The following RAC1 variants were observed in gnomAD, a reference collection of about 807,000 sequenced individuals.
RAC1 encodes ras-related C3 botulinum toxin substrate 1.
A neutral mutation model predicts 25.2 loss-of-function variants in RAC1; 2 were observed. The ratio of observed to expected loss-of-function variants is 0.08; its 90% CI spans 0.03 to 0.25. The LOEUF is 0.25. Among genes scored for constraint, RAC1 ranks in the 10% least tolerant of loss-of-function variants. RAC1 has a pLI of 1.00. For synonymous variants in RAC1, 88 were observed against 94.0 expected (o/e 0.94, Z 0.37); for missense variants, 50 against 235.7 (o/e 0.21, Z 5.16).
chr7:6,395,629 T>G (rs1583268009), intron 3 of RAC1, among the ~76,000 whole-genome samples: 1 of 152,312 alleles, frequency 6.6e-6, no homozygotes, highest in African/African-American at 2.4e-5. Context: ...TGGTCCTATT[T>G]CAGCACAGTC....
rs143370431 is a variant in RAC1 at position 6,387,066 on chromosome 7, A to G, written c.36-146A>G. ...GGGTACCAATGTGTATGTGGTGATA[A>G]AGGGTTATAGAAAACATTTTCTTTA... On this transcript the variant is annotated intron_variant, in intron 1 of 5. Transcript: ENST00000348035. 5.2e-4 allele frequency: 290 copies of G among 559,120 alleles called. 2 individuals are homozygous for G. The East Asian group carries it at 9.5e-3, about 18-fold the overall frequency. 34.6% of individuals were successfully genotyped at this position (559,120 alleles called of 1,614,324 possible).
chr7:6,397,048 A>G (rs1378472100), intron 3 of RAC1, among the ~76,000 whole-genome samples: 4 of 129,918 alleles, frequency 3.1e-5, no homozygotes, highest in African/African-American at 5.9e-5. Flanking sequence ...AAAAAAAAAA[A>G]AAAAAAGAAA....
intron 1 of RAC1, among the ~76,000 whole-genome samples, chr7:6,375,443 C>T (rs929340757): frequency 6.6e-6 from 1 of 152,006 alleles, no homozygotes; most frequent in Non-Finnish European, 1.5e-5. Context: ...CCAGGCTGGT[C>T]TCGAATTCCT....
chr7:6,393,728 A>T lies in RAC1; in HGVS notation c.225+1687A>T, dbSNP rs1262412976. 4.6e-5 allele frequency among the ~76,000 whole-genome samples: 7 copies of T among 152,308 alleles called. No individual in the cohort carries two copies. The South Asian group carries it at 1.5e-3, about 32-fold the overall frequency. On this transcript the variant is annotated intron_variant, in intron 3 of 5. Transcript: ENST00000348035. ...GGAGTGGGACATGGTTCTTGCCCTC[A>T]GGTAGTTCACAGAAAAGTCCCATAA...
chr7:6,390,605 A>AAT (rs1374379233), intron 2 of RAC1, among the ~76,000 whole-genome samples: 1 of 151,742 alleles, frequency 6.6e-6, no homozygotes. Flanking sequence ...CTCAAAAAAA[A>AAT]AATAATAATA....
chr7:6,395,850 A>G (rs1255283358), intron 3 of RAC1, among the ~76,000 whole-genome samples: 3 of 152,220 alleles, frequency 2.0e-5, no homozygotes, highest in Admixed American at 6.5e-5. Context: ...ATCCAGGTGG[A>G]TAGCATTTGG....
chr7:6,377,664 C>G (rs1017073533), intron 1 of RAC1, among the ~76,000 whole-genome samples: 1 of 152,144 alleles, frequency 6.6e-6, no homozygotes, highest in African/African-American at 2.4e-5. Context: ...CCTGTAATCC[C>G]AGCACTTTGG....
intron 1 of RAC1, among the ~76,000 whole-genome samples, chr7:6,377,422 T>C (rs1317165868): frequency 1.3e-5 from 2 of 151,870 alleles, no homozygotes; most frequent in Non-Finnish European, 2.9e-5. Flanking sequence ...GGCGAGACCC[T>C]GTCTCTGCTA....
chr7:6,389,939 C>T (rs1009542890), intron 2 of RAC1, among the ~76,000 whole-genome samples: 7 of 147,060 alleles, frequency 4.8e-5, no homozygotes, highest in African/African-American at 1.3e-4. Context: ...CCTTCCTTCC[C>T]TCCCTCCCTC....
chr7:6,374,867 G>A (rs1026215915), intron 1 of RAC1, 97 bp downstream of exon 1: 1 of 985,462 alleles, frequency 1.0e-6, no homozygotes, highest in Non-Finnish European at 1.2e-6. Context: ...CGTCCGCCGC[G>A]GTCTCGCGTA....
chr7:6,379,653 G>A (rs915541804), intron 1 of RAC1, among the ~76,000 whole-genome samples: 1 of 152,220 alleles, frequency 6.6e-6, no homozygotes, highest in African/African-American at 2.4e-5. Context: ...TAGGCGATCT[G>A]CCCGCCTTGG....
intron 1 of RAC1, among the ~76,000 whole-genome samples, chr7:6,382,714 C>CA (rs201222233): frequency 1.2e-3 from 176 of 151,404 alleles, no homozygotes; most frequent in African/African-American, 3.2e-3. Context: ...AATACAACAA[C>CA]AAAAAAAAAT....
chr7:6,382,967 A>G (rs1262907349), intron 1 of RAC1, among the ~76,000 whole-genome samples: 1 of 152,240 alleles, frequency 6.6e-6, no homozygotes, highest in Non-Finnish European at 1.5e-5. Flanking sequence ...CAGGGGAAGC[A>G]CAGATAGGTT....
chr7:6,400,218 G>T (rs191403789), intron 4 of RAC1, 30 bp downstream of exon 4: 2 of 1,534,730 alleles, frequency 1.3e-6, no homozygotes, highest in Admixed American at 3.3e-5. Flanking sequence ...GTGTATGTAA[G>T]TTATAGAATG....
chr7:6,402,502 C>CAAAAAAAAAAAAA lies in RAC1; in HGVS notation c.*65_*66insAAAAAAAAAAAAA, dbSNP rs1484553436. On this transcript the variant is annotated 3_prime_UTR_variant, in exon 6 of 6. Transcript: ENST00000348035. ...CCTTGGAACCTTTGTACGCTTTGCT[C>CAAAAAAAAAAAAA]AAAAAAAAACAAAAAAAAAAAACAA... 10 of 106,272 alleles carry CAAAAAAAAAAAAA rather than the reference C, an allele frequency of 9.4e-5. 2 individuals carry two copies. Among genetic ancestry groups the CAAAAAAAAAAAAA allele is most frequent in the African/African-American group, 6.6e-4 (4 of 6,094 alleles). 6.6% of individuals were successfully genotyped at this position (106,272 alleles called of 1,614,324 possible). A position where few individuals can be genotyped will look rare whatever the true frequency, so the allele number is the denominator to read the frequency against.
chr7:6,380,974 T>G (rs899774820), intron 1 of RAC1, among the ~76,000 whole-genome samples: 4 of 152,146 alleles, frequency 2.6e-5, no homozygotes, highest in Non-Finnish European at 4.4e-5. Context: ...GTTCAGGCGA[T>G]TCTCCTGCCT....
At chr7:6,401,845 C>T (rs1240243933) in intron 4 of RAC1, 23 bp from the exon 5 acceptor site, 4 of 1,605,070 alleles carry the variant, frequency 2.5e-6, no homozygotes, top group Non-Finnish European at 3.4e-6. Flanking sequence ...GTGTCACAAC[C>T]TCTGTTCCTT....
intron 1 of RAC1, among the ~76,000 whole-genome samples, chr7:6,380,823 C>T (rs184084165): frequency 1.3e-5 from 2 of 152,200 alleles, no homozygotes; most frequent in East Asian, 1.9e-4. Flanking sequence ...TCAGAGGGAA[C>T]CTTTTAAGAG....
chr7:6,374,921 G>C, intron 1 of RAC1, 151 bp downstream of exon 1: 1 of 583,634 alleles, frequency 1.7e-6, no homozygotes, highest in Non-Finnish European at 2.2e-6. Context: ...GGCCGCGGGC[G>C]GGCGCCCCCA....
Sources: gnomAD v4.1 joint callset for allele counts (sites outside exome capture counted in the v4.1 genomes callset) on GRCh38, gnomAD v4.1.1 for gene constraint, MANE v1.5 for transcripts, NCBI Gene and HGNC (gene_info 2026-07-23, HGNC 2026-07-21) for gene names.